The following PDXDC1 variants were observed in gnomAD, a reference collection of about 807,000 sequenced individuals.
PDXDC1 encodes the protein pyridoxal dependent decarboxylase domain containing 1.
A neutral mutation model predicts 100.1 loss-of-function variants in PDXDC1; 42 were observed. The ratio of observed to expected loss-of-function variants is 0.42; its 90% CI spans 0.33 to 0.54. The LOEUF is 0.54. PDXDC1 is among the 20% of genes least tolerant of loss of function. PDXDC1 has a pLI of 0.10. For synonymous variants in PDXDC1, 260 were observed against 371.7 expected, an observed-to-expected ratio of 0.70 and a Z score of 3.46; for missense variants, 636 against 979.2, an observed-to-expected ratio of 0.65 and a Z score of 4.68.
chr16:15,006,087 A>C (rs1486110141), intron 5 of PDXDC1, among the ~76,000 whole-genome samples: 1 of 152,294 alleles, frequency 6.6e-6, no homozygotes, highest in Non-Finnish European at 1.5e-5. Flanking sequence ...GCCTTAGTTC[A>C]TAATAAGCCA....
intron 16 of PDXDC1, among the ~76,000 whole-genome samples, chr16:15,046,914 G>C (rs1180473510): frequency 2.0e-5 from 3 of 151,688 alleles, no homozygotes; most frequent in Non-Finnish European, 4.4e-5. Flanking sequence ...TACATGCCTC[G>C]CCCCCTAGCG....
downstream of PDXDC1, among the ~76,000 whole-genome samples, chr16:15,142,164 A>G (rs1279018580): frequency 6.6e-6 from 1 of 152,134 alleles, no homozygotes; most frequent in Non-Finnish European, 1.5e-5. Flanking sequence ...TGGAAAATCC[A>G]TCAAGAGTGG....
chr16:15,145,744 G>A, the PDXDC1 span, among the ~76,000 whole-genome samples: 4 of 152,236 alleles, frequency 2.6e-5, no homozygotes, highest in Non-Finnish European at 2.9e-5. Context: ...TTCCAGCTGC[G>A]CTCACTCTGC....
At chr16:15,029,886 G>A in intron 15 of PDXDC1, 65 bp from the exon 16 acceptor site, 1 of 1,445,176 alleles carries the variant, frequency 6.9e-7, no homozygotes, top group Non-Finnish European at 9.5e-7. Flanking sequence ...GAGGGGATGA[G>A]GGTGGGTCCT....
intron 16 of PDXDC1, chr16:15,047,714 A>C (rs2044132145): frequency 7.8e-6 from 7 of 897,530 alleles, no homozygotes; most frequent in Non-Finnish European, 1.3e-5. Context: ...CCAGGACACC[A>C]GGGAGACACC....
At chr16:15,075,020 T>TG (rs1342729084) in intron 16 of PDXDC1, among the ~76,000 whole-genome samples, 1 of 151,106 alleles carries the variant, frequency 6.6e-6, no homozygotes, top group African/African-American at 2.4e-5. Context: ...GAAGCAGAGG[T>TG]GGGGGGATCA....
chr16:14,987,735 C>T (rs1405906435), intron 1 of PDXDC1, among the ~76,000 whole-genome samples: 2 of 152,288 alleles, frequency 1.3e-5, no homozygotes, highest in African/African-American at 4.8e-5. Flanking sequence ...CCTCAGTCTC[C>T]CGAATAGCTG....
At chr16:15,095,386 A>C (rs1171971518) in intron 16 of PDXDC1, among the ~76,000 whole-genome samples, 1 of 152,098 alleles carries the variant, frequency 6.6e-6, no homozygotes, top group East Asian at 1.9e-4. Context: ...CTCTACAAAA[A>C]ATTTAAAAAA....
chr16:15,127,892 C>G (rs765415604), intron 16 of PDXDC1: 1 of 1,535,130 alleles, frequency 6.5e-7, no homozygotes, highest in Non-Finnish European at 8.9e-7. Context: ...AACAGGGCTG[C>G]GTGACCTAGA....
At chr16:15,067,767 T>A (rs1219114940) in intron 16 of PDXDC1, among the ~76,000 whole-genome samples, 2 of 152,060 alleles carry the variant, frequency 1.3e-5, no homozygotes, top group Non-Finnish European at 2.9e-5. Context: ...GTTGTTTTTG[T>A]TTGTTTAAGA....
At chr16:14,981,104 A>G (rs1454794794) in intron 1 of PDXDC1, among the ~76,000 whole-genome samples, 2 of 152,302 alleles carry the variant, frequency 1.3e-5, no homozygotes, top group African/African-American at 4.8e-5. Flanking sequence ...GCAAGGAGCA[A>G]GTGACCAGGA....
At chr16:15,079,533 A>G (rs941019220) in intron 16 of PDXDC1, among the ~76,000 whole-genome samples, 2 of 152,156 alleles carry the variant, frequency 1.3e-5, no homozygotes, top group East Asian at 3.8e-4. Context: ...AACTGTCTAC[A>G]ACTCCCAGCA....
intron 16 of PDXDC1, chr16:15,094,222 C>G: frequency 1.3e-6 from 2 of 1,591,464 alleles, no homozygotes; most frequent in Non-Finnish European, 1.7e-6. Flanking sequence ...TGTGAAGCAG[C>G]GGTGCCGCCA....
intron 16 of PDXDC1, among the ~76,000 whole-genome samples, chr16:15,075,021 G>C (rs567263801): frequency 2.0e-5 from 3 of 152,072 alleles, no homozygotes; most frequent in Non-Finnish European, 2.9e-5. Context: ...AAGCAGAGGT[G>C]GGGGGATCAC....
chr16:14,998,278 T>G, intron 2 of PDXDC1, 62 bp from the exon 3 acceptor site: 1 of 1,558,442 alleles, frequency 6.4e-7, no homozygotes, highest in Non-Finnish European at 8.8e-7. Context: ...GTTTGCATAT[T>G]CAGGAGTTAG....
chr16:15,149,342 G>T, the PDXDC1 span, among the ~76,000 whole-genome samples: 1 of 152,180 alleles, frequency 6.6e-6, no homozygotes, highest in South Asian at 2.1e-4. Flanking sequence ...CAGTGATAAC[G>T]GAGCCCTCGA....
At chr16:15,014,806 C>T (rs1405820600) in intron 8 of PDXDC1, among the ~76,000 whole-genome samples, 1 of 152,286 alleles carries the variant, frequency 6.6e-6, no homozygotes, top group African/African-American at 2.4e-5. Context: ...GGGATCTCCC[C>T]AGCAAAATCT....
chr16:15,143,954 C>G (rs555640561), downstream of PDXDC1, among the ~76,000 whole-genome samples: 2 of 152,190 alleles, frequency 1.3e-5, no homozygotes, highest in Non-Finnish European at 2.9e-5. Context: ...CCGCGCTGGC[C>G]GCCTCACTGG....
intron 8 of PDXDC1, 133 bp downstream of exon 8, chr16:15,009,892 CA>C: frequency 6.7e-7 from 1 of 1,497,662 alleles, no homozygotes. Flanking sequence ...CACATTGTAG[CA>C]AAAACTGTAA....
Sources: allele counts gnomAD v4.1 joint callset (sites outside exome capture counted in the v4.1 genomes callset), GRCh38; gene constraint gnomAD v4.1.1; transcripts MANE v1.5; gene names NCBI Gene and HGNC (gene_info 2026-07-23, HGNC 2026-07-21).